ASIC2: variants seen among roughly 807,000 people sequenced by gnomAD.
ASIC2 encodes acid sensing ion channel subunit 2.
ASIC2 carries 25 observed loss-of-function variants against 57.3 expected under a neutral mutation model. The ratio of observed to expected loss-of-function variants is 0.44; its 90% CI spans 0.32 to 0.61. The LOEUF (loss-of-function observed/expected upper bound fraction) is 0.61, where lower values mean the gene tolerates loss of function less well. Among genes scored for constraint, ASIC2 ranks in the 20% least tolerant of loss-of-function variants. The pLI is 0.06. For missense variants in ASIC2, 641 were observed against 738.1 expected, an observed-to-expected ratio of 0.87 and a Z score of 1.52; for synonymous variants, 319 against 307.5, an observed-to-expected ratio of 1.04 and a Z score of -0.39.
intron 1 of ASIC2, among the ~76,000 whole-genome samples, chr17:34,073,258 G>A (rs547742730): frequency 8.5e-5 from 13 of 152,228 alleles, no homozygotes; most frequent in Middle Eastern, 3.4e-3. Context: ...AAATCACCCC[G>A]AAAAGCAGCC....
chr17:33,145,295 T>C (rs1250865304), intron 1 of ASIC2, among the ~76,000 whole-genome samples: 1 of 152,244 alleles, frequency 6.6e-6, no homozygotes, highest in East Asian at 1.9e-4. Flanking sequence ...CCAGTTTCTT[T>C]TGGCATTCTT....
intron 1 of ASIC2, among the ~76,000 whole-genome samples, chr17:33,860,674 T>G (rs988768146): frequency 1.3e-5 from 2 of 152,228 alleles, no homozygotes; most frequent in East Asian, 1.9e-4. Flanking sequence ...GACTTCTCAC[T>G]ATGCCTAGGT....
intron 1 of ASIC2, among the ~76,000 whole-genome samples, chr17:33,686,277 A>G (rs1442452658): frequency 6.6e-6 from 1 of 152,156 alleles, no homozygotes; most frequent in African/African-American, 2.4e-5. Flanking sequence ...ATCACACTGT[A>G]TTGGGGGCTG....
At chr17:33,768,916 G>A (rs1413491386) in intron 1 of ASIC2, among the ~76,000 whole-genome samples, 1 of 152,044 alleles carries the variant, frequency 6.6e-6, no homozygotes, top group Non-Finnish European at 1.5e-5. Context: ...TCCCTCTCCA[G>A]CTTCCCTCTC....
intron 1 of ASIC2, chr17:34,146,805 T>C (rs1308384558): frequency 2.0e-5 from 3 of 152,204 alleles, no homozygotes; most frequent in Admixed American, 2.0e-4. Context: ...CTTCCACAGA[T>C]ACACTTGCTA....
chr17:33,876,555 C>G (rs1597912340), intron 1 of ASIC2, among the ~76,000 whole-genome samples: 3 of 152,320 alleles, frequency 2.0e-5, no homozygotes, highest in African/African-American at 7.2e-5. Context: ...TTTAATCTGT[C>G]CAACAACTCT....
chr17:33,768,150 G>A (rs369339478), intron 1 of ASIC2, among the ~76,000 whole-genome samples: 30 of 151,904 alleles, frequency 2.0e-4, no homozygotes, highest in South Asian at 1.3e-3. Flanking sequence ...CTGGGACTAC[G>A]GGCGCCTGCC....
intron 1 of ASIC2, among the ~76,000 whole-genome samples, chr17:33,310,365 T>C (rs1906359447): frequency 6.6e-6 from 1 of 152,174 alleles, no homozygotes; most frequent in Non-Finnish European, 1.5e-5. Context: ...TTTGACTAGA[T>C]GACCTCTAGG....
At chr17:33,886,322 G>C in intron 1 of ASIC2, among the ~76,000 whole-genome samples, 1 of 152,054 alleles carries the variant, frequency 6.6e-6, no homozygotes, top group Admixed American at 6.6e-5. Context: ...TGATGTCAGG[G>C]GGCAGGGAAG....
At chr17:33,438,421 A>G (rs955315481) in intron 1 of ASIC2, among the ~76,000 whole-genome samples, 3 of 152,226 alleles carry the variant, frequency 2.0e-5, no homozygotes, top group African/African-American at 4.8e-5. Context: ...GAGTTGAAGA[A>G]CATCAATCAC....
At chr17:33,905,521 T>C (rs1567752142) in intron 1 of ASIC2, among the ~76,000 whole-genome samples, 2 of 152,176 alleles carry the variant, frequency 1.3e-5, no homozygotes, top group Non-Finnish European at 2.9e-5. Flanking sequence ...AGATAAGGAG[T>C]GCTCAGTGCC....
intron 1 of ASIC2, among the ~76,000 whole-genome samples, chr17:34,111,830 C>A (rs555483924): frequency 6.6e-6 from 1 of 152,158 alleles, no homozygotes; most frequent in South Asian, 2.1e-4. Flanking sequence ...GAAGAATGTT[C>A]TAGTAAATTA....
At chr17:33,143,699 T>C (rs970745640) in intron 1 of ASIC2, among the ~76,000 whole-genome samples, 1 of 150,870 alleles carries the variant, frequency 6.6e-6, no homozygotes, top group Non-Finnish European at 1.5e-5. Flanking sequence ...ATAGCAACGA[T>C]AGTAAAATCA....
intron 1 of ASIC2, among the ~76,000 whole-genome samples, chr17:33,202,551 G>T (rs533682292): frequency 1.3e-5 from 2 of 152,324 alleles, no homozygotes; most frequent in African/African-American, 4.8e-5. Context: ...AAGGGGTGCA[G>T]CAGGGCTCTT....
At chr17:33,204,804 G>A (rs1370465823) in intron 1 of ASIC2, among the ~76,000 whole-genome samples, 1 of 152,246 alleles carries the variant, frequency 6.6e-6, no homozygotes, top group East Asian at 1.9e-4. Flanking sequence ...GAAGCTGAAA[G>A]GATGCAGAAT....
intron 1 of ASIC2, among the ~76,000 whole-genome samples, chr17:34,007,390 C>A (rs1169746418): frequency 2.6e-5 from 4 of 152,204 alleles, no homozygotes; most frequent in South Asian, 4.1e-4. Context: ...AATGGAAATT[C>A]ACTCTTCCTG....
At chr17:33,712,284 C>T (rs1909059667) in intron 1 of ASIC2, among the ~76,000 whole-genome samples, 1 of 152,164 alleles carries the variant, frequency 6.6e-6, no homozygotes, top group Non-Finnish European at 1.5e-5. Flanking sequence ...GACGCTGTAG[C>T]TTTTCTAAGT....
At chr17:33,709,235 A>T (rs993827837) in intron 1 of ASIC2, among the ~76,000 whole-genome samples, 1 of 152,214 alleles carries the variant, frequency 6.6e-6, no homozygotes, top group African/African-American at 2.4e-5. Flanking sequence ...CTTGAAATTA[A>T]AGACAAAGTG....
intron 1 of ASIC2, among the ~76,000 whole-genome samples, chr17:33,172,481 G>T (rs912479234): frequency 6.6e-6 from 1 of 152,110 alleles, no homozygotes; most frequent in Admixed American, 6.5e-5. Flanking sequence ...CTAGGTGTAG[G>T]GTGCAGGCCT....
Sources: gnomAD v4.1 joint callset for allele counts (sites outside exome capture counted in the v4.1 genomes callset) on GRCh38, gnomAD v4.1.1 for gene constraint, MANE v1.5 for transcripts, NCBI Gene and HGNC (gene_info 2026-07-23, HGNC 2026-07-21) for gene names.